Variants in NPAS3 observed in about 807,000 individuals in gnomAD.
NPAS3 encodes neuronal PAS domain-containing protein 3.
NPAS3 carries 14 observed loss-of-function variants against 73.1 expected under a neutral mutation model. The observed-to-expected ratio is 0.19, with a 90% CI of 0.13 to 0.30. NPAS3 has a LOEUF of 0.30. Among genes scored for constraint, NPAS3 ranks in the 10% least tolerant of loss-of-function variants. NPAS3 has a pLI of 1.00. For missense variants in NPAS3, 1,096 were observed against 1,250.0 expected (o/e 0.88, Z 1.86); for synonymous variants, 620 against 541.5 (o/e 1.14, Z -2.01).
In NPAS3 at chr14:33,418,757, A is replaced by G. The variant is rs1594873065; in HGVS notation, c.468+51489A>G. 2.0e-5 allele frequency among the ~76,000 whole-genome samples: 3 copies of G among 152,084 alleles called. No homozygotes were observed. In the South Asian group the frequency reaches 6.2e-4, roughly 32 times the overall value. ...CTTGCATTTGAATATTTCCGCAATC[A>G]TTGATCTTCCATGCAGGGCTCCATT... On this transcript the variant is annotated intron_variant, in intron 4 of 11. Coordinates refer to ENST00000356141, the Ensembl canonical transcript of NPAS3.
chr14:33,713,905 C>T (rs2060888777), intron 6 of NPAS3, among the ~76,000 whole-genome samples: 1 of 152,112 alleles, frequency 6.6e-6, no homozygotes, highest in East Asian at 1.9e-4. Flanking sequence ...CCACATTGGC[C>T]TCCTTGCTAT....
intron 5 of NPAS3, among the ~76,000 whole-genome samples, chr14:33,655,331 CTTTT>C (rs3059406): frequency 5.9e-4 from 62 of 105,890 alleles, no homozygotes; most frequent in African/African-American, 2.0e-3. Flanking sequence ...ACCTTTGGCT[CTTTT>C]TTTTTTTTTT....
chr14:33,156,056 G>A (rs755035971), intron 2 of NPAS3, among the ~76,000 whole-genome samples: 5 of 152,168 alleles, frequency 3.3e-5, no homozygotes, highest in Non-Finnish European at 5.9e-5. Flanking sequence ...AGGCCTAGGT[G>A]ATGAAGTCTA....
At chr14:32,989,680 CA>C (rs11333221) in intron 1 of NPAS3, among the ~76,000 whole-genome samples, 24,827 of 150,782 alleles carry the variant, frequency 0.16, 2,395 homozygotes, top group African/African-American at 0.27. Context: ...CAAAACAAAA[CA>C]AAAAAAACCT....
chr14:33,412,331 G>A (rs2047965342), intron 4 of NPAS3, among the ~76,000 whole-genome samples: 2 of 152,070 alleles, frequency 1.3e-5, no homozygotes. Context: ...TGTTGCCCAG[G>A]CTGGTCTCAA....
chr14:33,647,546 C>G (rs780962114), intron 5 of NPAS3, among the ~76,000 whole-genome samples: 3 of 152,092 alleles, frequency 2.0e-5, no homozygotes, highest in Non-Finnish European at 4.4e-5. Context: ...ACTATCATCT[C>G]ATTAACACCA....
intron 3 of NPAS3, among the ~76,000 whole-genome samples, chr14:33,301,323 T>TACA: frequency 1.2e-5 from 1 of 81,614 alleles, no homozygotes; most frequent in Admixed American, 1.4e-4. Context: ...TATATATATA[T>TACA]TTTTTTTTTT....
chr14:33,679,881 A>ATTTTATATGTATGCACATTT (rs2059884095), intron 6 of NPAS3, among the ~76,000 whole-genome samples: 2 of 152,214 alleles, frequency 1.3e-5, no homozygotes, highest in African/African-American at 4.8e-5. Context: ...CCAAATAAAT[A>ATTTTATATGTATGCACATTT]TTTTATATGT....
chr14:33,135,480 T>C (rs1022526952), intron 2 of NPAS3, among the ~76,000 whole-genome samples: 4 of 152,316 alleles, frequency 2.6e-5, no homozygotes, highest in African/African-American at 9.6e-5. Context: ...CATTTTACCA[T>C]AAAATAGTTT....
chr14:33,781,393 C>T (rs2062974734), intron 9 of NPAS3, among the ~76,000 whole-genome samples: 1 of 152,198 alleles, frequency 6.6e-6, no homozygotes, highest in Non-Finnish European at 1.5e-5. Flanking sequence ...ACCTAATTCT[C>T]AAACCAAAGC....
chr14:33,132,562 G>C (rs2043680626), intron 2 of NPAS3, among the ~76,000 whole-genome samples: 1 of 152,064 alleles, frequency 6.6e-6, no homozygotes, highest in African/African-American at 2.4e-5. Context: ...AAGTGCTGTG[G>C]GACTATAAGC....
intron 5 of NPAS3, among the ~76,000 whole-genome samples, chr14:33,623,039 C>G (rs1359360630): frequency 6.6e-6 from 1 of 151,990 alleles, no homozygotes; most frequent in Non-Finnish European, 1.5e-5. Flanking sequence ...GGTAAAATAT[C>G]AAGACCTACA....
intron 2 of NPAS3, among the ~76,000 whole-genome samples, chr14:33,199,451 G>A (rs1478542112): frequency 6.6e-6 from 1 of 152,158 alleles, no homozygotes; most frequent in Non-Finnish European, 1.5e-5. Flanking sequence ...TCGGCATTCT[G>A]AATGTTACTG....
Position 33,800,954 on chromosome 14 carries a change from G to A in NPAS3, c.2647G>A (p.Gly883Arg). The A allele has an allele frequency of 2.5e-6, 4 of 1,603,094 alleles. No homozygotes were observed. The highest frequency in any genetic ancestry group is 3.4e-6 in the Non-Finnish European group (4 of 1,175,454). Residue 883 changes from glycine to arginine, a missense_variant, in exon 12 of 12, where the codon GGA becomes AGA. Gly to Arg is a moderately radical substitution (Grantham distance 125, BLOSUM62 -2). Transcript: ENST00000356141. The surrounding 1 kb of genome is among the most constrained non-coding windows in gnomAD (Gnocchi z 6.5). Reference sequence around the variant, plus strand: ...CCACGTGCACCGGCTCAACATGTCAGGACCGTTCGGCGGCGCAGTGAGCGC... The same window carrying A: ...CCACGTGCACCGGCTCAACATGTCAAGACCGTTCGGCGGCGCAGTGAGCGC...
intron 9 of NPAS3, among the ~76,000 whole-genome samples, chr14:33,783,210 G>A (rs2063035398): frequency 6.6e-6 from 1 of 152,240 alleles, no homozygotes; most frequent in Non-Finnish European, 1.5e-5. Flanking sequence ...ACTGCACACA[G>A]AAACGGAAGC....
At chr14:33,727,249 T>TTAAAG (rs2061293474) in intron 6 of NPAS3, among the ~76,000 whole-genome samples, 1 of 152,150 alleles carries the variant, frequency 6.6e-6, no homozygotes, top group African/African-American at 2.4e-5. Context: ...AAATAGTATA[T>TTAAAG]TAAAGTAAAC....
intron 6 of NPAS3, among the ~76,000 whole-genome samples, chr14:33,710,152 C>T (rs1432493351): frequency 1.3e-5 from 2 of 152,280 alleles, no homozygotes; most frequent in East Asian, 1.9e-4. Context: ...TAACACAATG[C>T]GACTTGATGT....
chr14:33,436,699 T>G (rs1404827607), intron 4 of NPAS3, among the ~76,000 whole-genome samples: 1 of 152,186 alleles, frequency 6.6e-6, no homozygotes, highest in African/African-American at 2.4e-5. Flanking sequence ...TTCATCCAAT[T>G]TACAACCTAT....
At chr14:33,465,950 T>C (rs185367129) in intron 4 of NPAS3, among the ~76,000 whole-genome samples, 1 of 151,772 alleles carries the variant, frequency 6.6e-6, no homozygotes, top group East Asian at 1.9e-4. Context: ...AAATTAACAG[T>C]TTTGAGAAAG....
Sources: gnomAD v4.1 joint callset for allele counts (sites outside exome capture counted in the v4.1 genomes callset) on GRCh38, gnomAD v4.1.1 for gene constraint, Gnocchi (gnomAD v3.1) non-coding constraint, MANE v1.5 for transcripts, NCBI Gene and HGNC (gene_info 2026-07-23, HGNC 2026-07-21) for gene names.